The following FTCDNL1 variants were observed in gnomAD, a reference collection of about 807,000 sequenced individuals.
The protein encoded by FTCDNL1 is formiminotransferase N-terminal subdomain-containing protein.
Under a neutral mutation model 5.9 loss-of-function variants are expected in FTCDNL1, and 11 were observed. The observed-to-expected ratio is 1.87, with a 90% CI of 1.18 to 3.10. The LOEUF (loss-of-function observed/expected upper bound fraction) is 3.10, where lower values mean the gene tolerates loss of function less well. Among genes scored for constraint, FTCDNL1 ranks in the 30% most tolerant of loss-of-function variants. The pLI, the probability that FTCDNL1 is intolerant of heterozygous loss-of-function variation, is 0.00. For missense variants in FTCDNL1, 115 were observed against 65.5 expected (o/e 1.76, Z -2.61); for synonymous variants, 58 against 24.8 (o/e 2.34, Z -3.99).
At chr2:199,798,470 G>A (rs776150965) in intron 3 of FTCDNL1, among the ~76,000 whole-genome samples, 7 of 152,210 alleles carry the variant, frequency 4.6e-5, no homozygotes, top group Non-Finnish European at 8.8e-5. Flanking sequence ...TACAGGTTCT[G>A]TGGAGGTACA....
intron 4 of FTCDNL1, among the ~76,000 whole-genome samples, chr2:199,813,840 G>T (rs1220318533): frequency 6.7e-6 from 1 of 149,042 alleles, no homozygotes; most frequent in African/African-American, 2.5e-5. Context: ...GAACCCAGGA[G>T]GCAGAGGTTG....
chr2:199,802,809 C>T (rs1700523581), intron 3 of FTCDNL1, among the ~76,000 whole-genome samples: 1 of 152,128 alleles, frequency 6.6e-6, no homozygotes, highest in Admixed American at 6.5e-5. Context: ...ACAAAATGCA[C>T]AGTCCTACAG....
At chr2:199,778,610 CA>C (rs1311505110) in intron 3 of FTCDNL1, among the ~76,000 whole-genome samples, 2 of 152,132 alleles carry the variant, frequency 1.3e-5, no homozygotes, top group Non-Finnish European at 2.9e-5. Context: ...CCTATTTTCC[CA>C]GCAAAGCAAG....
intron 3 of FTCDNL1, among the ~76,000 whole-genome samples, chr2:199,762,240 A>G (rs564423005): frequency 1.8e-4 from 27 of 152,180 alleles, no homozygotes; most frequent in African/African-American, 6.5e-4. Context: ...TTAGCCGAGC[A>G]TGGTGGTGGG....
the FTCDNL1 span, among the ~76,000 whole-genome samples, chr2:199,754,201 C>T: frequency 1.9e-3 from 295 of 152,296 alleles, 3 homozygotes; most frequent in South Asian, 0.024. Context: ...GCTGGGCACT[C>T]GGACACCCAG....
In FTCDNL1 at chr2:199,772,010, T is replaced by G. The variant is rs183601199; in HGVS notation, c.212-11175A>C. 3.3e-5 allele frequency among the ~76,000 whole-genome samples: 5 copies of G among 152,334 alleles called. No individual in the cohort carries two copies. In the East Asian group the frequency reaches 9.6e-4, roughly 29 times the overall value. ...GTAGCTAATAATAAAACTGGACAAT[T>G]ATAACAATATGCCAGCATCACTGCT... On this transcript the variant is annotated intron_variant, in intron 3 of 3. Transcript: ENST00000416668.
chr2:199,735,400 G>T, the FTCDNL1 span, among the ~76,000 whole-genome samples: 1 of 152,022 alleles, frequency 6.6e-6, no homozygotes, highest in African/African-American at 2.4e-5. Context: ...GAGATCCATT[G>T]TGCATAAAAA....
chr2:199,782,036 G>A (rs1486360249), intron 3 of FTCDNL1, among the ~76,000 whole-genome samples: 3 of 152,144 alleles, frequency 2.0e-5, no homozygotes, highest in Admixed American at 2.0e-4. Context: ...TGCCGCCTCA[G>A]CCTCCCAAAG....
chr2:199,763,561 T>C (rs1303254778), intron 3 of FTCDNL1, among the ~76,000 whole-genome samples: 1 of 152,174 alleles, frequency 6.6e-6, no homozygotes, highest in Admixed American at 6.5e-5. Context: ...CCACCTGTGT[T>C]TCCTGCCTGG....
chr2:199,780,995 A>T (rs1699335128), intron 3 of FTCDNL1, among the ~76,000 whole-genome samples: 1 of 152,234 alleles, frequency 6.6e-6, no homozygotes, highest in Admixed American at 6.5e-5. Context: ...AATCTCTGCC[A>T]CAATGTACTC....
chr2:199,744,445 CAGAG>C, the FTCDNL1 span, among the ~76,000 whole-genome samples: 3 of 151,282 alleles, frequency 2.0e-5, no homozygotes, highest in African/African-American at 2.4e-5. Context: ...CACACACACA[CAGAG>C]AGAGAGAGAG....
At chr2:199,760,506 AG>A (rs1298822246), downstream of FTCDNL1, 1 of 339,030 alleles carries the variant, frequency 2.9e-6, no homozygotes, top group African/African-American at 2.1e-5. Flanking sequence ...TGTATATAAG[AG>A]GGTGAGTCAG....
At chr2:199,700,701 A>G in the FTCDNL1 span, among the ~76,000 whole-genome samples, 2 of 152,240 alleles carry the variant, frequency 1.3e-5, no homozygotes, top group African/African-American at 4.8e-5. Context: ...AAACAGACAC[A>G]TAGAACAAGT....
At chr2:199,679,859 T>C in the FTCDNL1 span, among the ~76,000 whole-genome samples, 1 of 152,196 alleles carries the variant, frequency 6.6e-6, no homozygotes, top group African/African-American at 2.4e-5. Flanking sequence ...ATTATTACTT[T>C]TCTATTTATA....
At chr2:199,845,596 A>G (rs1266766666) in intron 3 of FTCDNL1, among the ~76,000 whole-genome samples, 2 of 152,054 alleles carry the variant, frequency 1.3e-5, no homozygotes, top group Non-Finnish European at 2.9e-5. Context: ...AATCTGTCCT[A>G]TGCTTGCTGA....
chr2:199,764,487 C>A (rs781397441), intron 3 of FTCDNL1, among the ~76,000 whole-genome samples: 1 of 152,158 alleles, frequency 6.6e-6, no homozygotes, highest in Non-Finnish European at 1.5e-5. Flanking sequence ...TGCTAATATT[C>A]GTGATTCAGC....
At chr2:199,738,277 A>AT in the FTCDNL1 span, among the ~76,000 whole-genome samples, 18 of 152,216 alleles carry the variant, frequency 1.2e-4, no homozygotes, top group Non-Finnish European at 2.6e-4. Flanking sequence ...ACAGCATGAG[A>AT]TAAAAACTAC....
intron 3 of FTCDNL1, among the ~76,000 whole-genome samples, chr2:199,821,305 A>G (rs1701667862): frequency 7.0e-6 from 1 of 142,884 alleles, no homozygotes. Flanking sequence ...ACGTGCCACC[A>G]AGCCTGGCTA....
chr2:199,696,985 A>G, the FTCDNL1 span, among the ~76,000 whole-genome samples: 1 of 152,224 alleles, frequency 6.6e-6, no homozygotes, highest in Non-Finnish European at 1.5e-5. Flanking sequence ...ACAGCTGAAA[A>G]ATTCACTACA....
Sources: allele counts gnomAD v4.1 joint callset (sites outside exome capture counted in the v4.1 genomes callset), GRCh38; gene constraint gnomAD v4.1.1; transcripts MANE v1.5; gene names NCBI Gene and HGNC (gene_info 2026-07-23, HGNC 2026-07-21).